DIP2C: variants seen among roughly 807,000 people sequenced by gnomAD.
DIP2C encodes the protein disco-interacting protein 2 homolog C.
A neutral mutation model predicts 192.4 loss-of-function variants in DIP2C; 33 were observed. That is an observed-to-expected ratio of 0.17 (90% CI 0.13 to 0.23). DIP2C has a LOEUF of 0.23. Among genes scored for constraint, DIP2C ranks in the 10% least tolerant of loss-of-function variants. The probability of loss-of-function intolerance (pLI) is 1.00; values close to 1 mark genes in which losing one functional copy is unlikely to be tolerated. For missense variants in DIP2C, 1,537 were observed against 2,110.1 expected, an observed-to-expected ratio of 0.73 and a Z score of 5.32; for synonymous variants, 979 against 864.1, an observed-to-expected ratio of 1.13 and a Z score of -2.33.
intron 10 of DIP2C, among the ~76,000 whole-genome samples, chr10:394,399 G>T (rs975786838): frequency 6.6e-6 from 1 of 150,864 alleles, no homozygotes; most frequent in African/African-American, 2.4e-5. Flanking sequence ...ACCCTGCCGT[G>T]TGCTGAACCA....
Position 507,292 on chromosome 10 carries a change from C to T in DIP2C, c.86-20762G>A, listed in dbSNP as rs538359288. 6.6e-4 allele frequency among the ~76,000 whole-genome samples: 94 copies of T among 141,494 alleles called. 1 individual carries two copies. The highest frequency in any genetic ancestry group is 2.4e-3 in the African/African-American group (89 of 37,308). The allele number at this position is 141,494 out of a possible 152,430, so 92.8% of individuals were successfully genotyped here. On this transcript the variant is annotated intron_variant, in intron 1 of 36. Transcript: ENST00000280886. The stretch of plus-strand genomic sequence containing the variant: ...GTCCAATCAGAGACGTATGAGGTTA[C>T]AGACCTAGTCACCAGCTGCACACAA...
chr10:401,736 C>A (rs971212888), intron 9 of DIP2C, among the ~76,000 whole-genome samples: 1 of 149,226 alleles, frequency 6.7e-6, no homozygotes, highest in Non-Finnish European at 1.5e-5. Context: ...GCACATGAAT[C>A]CTGTGATTTT....
At chr10:545,473 A>C (rs565226861) in intron 1 of DIP2C, among the ~76,000 whole-genome samples, 2 of 152,204 alleles carry the variant, frequency 1.3e-5, no homozygotes, top group South Asian at 4.2e-4. Flanking sequence ...GTGTTCTTAT[A>C]ATAGAGAATT....
intron 1 of DIP2C, among the ~76,000 whole-genome samples, chr10:550,927 G>A (rs1457804454): frequency 6.6e-6 from 1 of 152,122 alleles, no homozygotes; most frequent in Non-Finnish European, 1.5e-5. Context: ...TGGCTTCCCC[G>A]GGCCTCGGTC....
chr10:656,754 C>T (rs1435006165), intron 1 of DIP2C, among the ~76,000 whole-genome samples: 9 of 152,102 alleles, frequency 5.9e-5, no homozygotes, highest in Admixed American at 1.3e-4. Context: ...GGAAGACAGA[C>T]GGCTGTCGGT....
chr10:288,135 T>G (rs1018615960), intron 33 of DIP2C, among the ~76,000 whole-genome samples: 2 of 152,234 alleles, frequency 1.3e-5, no homozygotes, highest in Non-Finnish European at 2.9e-5. Flanking sequence ...CCAGGGCCTC[T>G]GCTGGCTTCA....
intron 1 of DIP2C, among the ~76,000 whole-genome samples, chr10:531,392 GACC>G (rs1847363525): frequency 1.3e-5 from 2 of 151,952 alleles, no homozygotes; most frequent in South Asian, 2.1e-4. Context: ...GTTCCCCCGA[GACC>G]ACATTTCCCA....
intron 1 of DIP2C, among the ~76,000 whole-genome samples, chr10:594,778 C>T (rs1021171031): frequency 6.6e-6 from 1 of 152,160 alleles, no homozygotes; most frequent in East Asian, 1.9e-4. Context: ...ACAACCGAGC[C>T]GCAAACCAGG....
chr10:670,555 T>C (rs1195962242), intron 1 of DIP2C, among the ~76,000 whole-genome samples: 1 of 152,210 alleles, frequency 6.6e-6, no homozygotes, highest in Non-Finnish European at 1.5e-5. Context: ...TAACATCTTA[T>C]CCATTTTAAA....
At position 617,306 on chromosome 10, in the gene DIP2C, G is replaced by A. The variant is rs539499231; in HGVS notation, c.85+72188C>T. 3.8e-4 allele frequency among the ~76,000 whole-genome samples: 58 copies of A among 152,190 alleles called. No homozygotes were observed. The Middle Eastern group carries it at 0.014, about 36-fold the overall frequency. ...GTAAGAGCTGGGCTCTAGGGCCAAC[G>A]TCCTGGCTGAGACACTAGTTCCACC... On this transcript the variant is annotated intron_variant, in intron 1 of 36. Coordinates refer to ENST00000280886, the MANE Select transcript of DIP2C (RefSeq NM_014974.3).
In DIP2C at chr10:522,733, C is replaced by A. The variant is rs571667226; in HGVS notation, c.86-36203G>T. 1.1e-4 allele frequency among the ~76,000 whole-genome samples: 17 copies of A among 152,340 alleles called. No homozygotes were observed. In the South Asian group the frequency reaches 2.5e-3, roughly 22 times the overall value. On this transcript the variant is annotated intron_variant, in intron 1 of 36. Transcript: ENST00000280886. ...ATTTTTTCATCAGGTGGTTCATTTT[C>A]TTATTATTGGGTTTTGAGAGTTCCT...
At chr10:571,387 C>G (rs1474198782) in intron 1 of DIP2C, among the ~76,000 whole-genome samples, 1 of 152,190 alleles carries the variant, frequency 6.6e-6, no homozygotes, top group South Asian at 2.1e-4. Context: ...CTGTGACGCA[C>G]CCGCGAGGGT....
intron 1 of DIP2C, among the ~76,000 whole-genome samples, chr10:621,962 C>T (rs1419737882): frequency 6.6e-6 from 1 of 151,908 alleles, no homozygotes; most frequent in African/African-American, 2.4e-5. Flanking sequence ...ACACCATAGC[C>T]TGTTTTTTCT....
Position 464,872 on chromosome 10 carries a change from A to C in DIP2C, c.268+7567T>G, listed in dbSNP as rs367864150. On this transcript the variant is annotated intron_variant, in intron 3 of 36. Coordinates refer to ENST00000280886, the MANE Select transcript of DIP2C (RefSeq NM_014974.3). ...AATCTCTGAATAGACCAATAACAGG[A>C]TCTGAAATTGTGGCAATAATCAATA... Among the ~76,000 whole-genome samples the C allele has an allele frequency of 9.2e-5, 14 of 151,792 alleles. 1 individual carries two copies. The East Asian group carries it at 1.9e-3, about 21-fold the overall frequency.
intron 6 of DIP2C, among the ~76,000 whole-genome samples, chr10:418,029 TCCAC>T: frequency 1.7e-5 from 1 of 58,746 alleles, no homozygotes; most frequent in Admixed American, 1.4e-4. Context: ...GGCCTCCCTG[TCCAC>T]CTGTTCCTGT....
Position 286,294 on chromosome 10 carries a change from C to G in DIP2C, c.4098G>C (p.Leu1366=). The change falls in exon 34 of 37, where the codon CTG becomes CTC. Residue 1366 remains leucine (L), a synonymous_variant. Transcript: ENST00000280886. The part of the protein sequence containing the change: ...IIANPETKGP[L]GDSHLGEIWV... ...TCACCTCTCCAAGGTGTGAGTCCCC[C>G]AGCGGTCCTTTTGTTTCTGGGTTGG... 2 of 1,614,134 alleles carry G rather than the reference C, an allele frequency of 1.2e-6. No homozygotes were observed. The highest frequency in any genetic ancestry group is 1.7e-4 in the Middle Eastern group (1 of 6,060).
At chr10:670,666 G>C (rs1236527792) in intron 1 of DIP2C, among the ~76,000 whole-genome samples, 2 of 152,174 alleles carry the variant, frequency 1.3e-5, no homozygotes, top group African/African-American at 4.8e-5. Context: ...CTAATCATTA[G>C]ATTATTTTCA....
intron 1 of DIP2C, among the ~76,000 whole-genome samples, chr10:555,190 ATTTT>A (rs34311943): frequency 8.0e-6 from 1 of 125,214 alleles, no homozygotes; most frequent in Non-Finnish European, 1.6e-5. Context: ...CTTCAGTATT[ATTTT>A]TTTTTTTTCC....
intron 34 of DIP2C, 99 bp from the exon 35 acceptor site, chr10:283,545 A>G: frequency 1.4e-6 from 2 of 1,416,358 alleles, no homozygotes; most frequent in Non-Finnish European, 1.9e-6. Flanking sequence ...ATATTCAGTG[A>G]TAGTAAACGT....
Sources: gnomAD v4.1 joint callset for allele counts (sites outside exome capture counted in the v4.1 genomes callset) on GRCh38, gnomAD v4.1.1 for gene constraint, MANE v1.5 for transcripts, NCBI Gene and HGNC (gene_info 2026-07-23, HGNC 2026-07-21) for gene names.